FGF14: variants seen among roughly 807,000 people sequenced by gnomAD.
FGF14 encodes fibroblast growth factor 14.
In FGF14, 5 loss-of-function variants were observed where a neutral mutation model predicts 25.5. The ratio of observed to expected loss-of-function variants is 0.20; its 90% CI spans 0.10 to 0.41. The LOEUF (loss-of-function observed/expected upper bound fraction) is 0.41, where lower values mean the gene tolerates loss of function less well. Among genes scored for constraint, FGF14 ranks in the 10% least tolerant of loss-of-function variants. The pLI is 1.00. For missense variants in FGF14, 222 were observed against 320.1 expected (o/e 0.69, Z 2.34); for synonymous variants, 138 against 118.3 (o/e 1.17, Z -1.08).
chr13:101,899,477 G>A (rs1594652563), intron 1 of FGF14, among the ~76,000 whole-genome samples: 1 of 151,856 alleles, frequency 6.6e-6, no homozygotes, highest in Non-Finnish European at 1.5e-5. Context: ...ATACTGGAAA[G>A]GTAAATTCAA....
At chr13:102,086,442 C>G (rs865818801) in intron 1 of FGF14, among the ~76,000 whole-genome samples, 2 of 151,874 alleles carry the variant, frequency 1.3e-5, no homozygotes, top group African/African-American at 4.8e-5. Context: ...AGGCAGGAGA[C>G]TGGCGTGAAC....
At chr13:101,726,269 A>G (rs2035427852) in intron 4 of FGF14, among the ~76,000 whole-genome samples, 1 of 152,092 alleles carries the variant, frequency 6.6e-6, no homozygotes, top group Non-Finnish European at 1.5e-5. Context: ...TATACTTATC[A>G]TCGCAGATTT....
At position 101,968,975 on chromosome 13, in the gene FGF14, A is replaced by C. The variant is rs188883460; in HGVS notation, c.209-93679T>G. Reference sequence around the variant, plus strand: ...ATCACCAGGTCACTTTCCATCCACAATTCCTTGGTATGGACAGAAGAGAAG... The same window carrying C: ...ATCACCAGGTCACTTTCCATCCACACTTCCTTGGTATGGACAGAAGAGAAG... On this transcript the variant is annotated intron_variant, in intron 1 of 4. Coordinates refer to the FGF14 transcript ENST00000376131. 2.8e-3 allele frequency among the ~76,000 whole-genome samples: 427 copies of C among 151,942 alleles called. 4 individuals are homozygous for C. Among genetic ancestry groups the C allele is most frequent in the African/African-American group, 9.5e-3 (392 of 41,456 alleles).
chr13:102,000,087 G>C (rs1163908621), intron 1 of FGF14, among the ~76,000 whole-genome samples: 1 of 152,086 alleles, frequency 6.6e-6, no homozygotes, highest in Non-Finnish European at 1.5e-5. Context: ...AGGCCGAGGC[G>C]GGCGGATCAC....
Position 101,765,717 on chromosome 13 carries a change from A to C in FGF14, c.409-38907T>G, listed in dbSNP as rs576886905. Among the ~76,000 whole-genome samples, 4 of 140,340 alleles carry C rather than the reference A, an allele frequency of 2.9e-5. No homozygotes were observed. In the South Asian group the frequency reaches 9.5e-4, roughly 33 times the overall value. 92.1% of individuals were successfully genotyped at this position (140,340 alleles called of 152,430 possible). ...CCTTTTATTTATTATTATTATTATT[A>C]TTTTATTTATTTATTTATTTATTTA... is the stretch of plus-strand genomic sequence containing the variant. On this transcript the variant is annotated intron_variant, in intron 3 of 4. Coordinates refer to ENST00000376143, the MANE Select transcript of FGF14 (RefSeq NM_004115.4).
chr13:102,229,467 G>T (rs1236446831), intron 1 of FGF14, among the ~76,000 whole-genome samples: 1 of 152,140 alleles, frequency 6.6e-6, no homozygotes, highest in Non-Finnish European at 1.5e-5. Context: ...TGTGGGCACT[G>T]TCCATTATTC....
At chr13:101,830,254 C>T (rs1365393895) in intron 3 of FGF14, among the ~76,000 whole-genome samples, 1 of 151,900 alleles carries the variant, frequency 6.6e-6, no homozygotes, top group Non-Finnish European at 1.5e-5. Context: ...TTGGAAGAGG[C>T]TCTTACAGTT....
chr13:102,103,063 C>A (rs1455686552), intron 1 of FGF14, among the ~76,000 whole-genome samples: 1 of 152,146 alleles, frequency 6.6e-6, no homozygotes, highest in African/African-American at 2.4e-5. Flanking sequence ...CATTGAAGGT[C>A]TAACAACTTG....
chr13:101,844,000 C>A (rs1055140544), intron 3 of FGF14, among the ~76,000 whole-genome samples: 27 of 151,882 alleles, frequency 1.8e-4, no homozygotes, highest in Non-Finnish European at 1.0e-4. Context: ...ATTGTAAAGA[C>A]CTTCTGTGGA....
intron 3 of FGF14, among the ~76,000 whole-genome samples, chr13:101,748,327 T>C (rs2037029072): frequency 1.3e-5 from 2 of 152,000 alleles, no homozygotes; most frequent in Non-Finnish European, 2.9e-5. Flanking sequence ...ATTATATATT[T>C]TGCAATAACA....
chr13:102,375,182 G>A (rs2058009691), intron 1 of FGF14, among the ~76,000 whole-genome samples: 2 of 152,112 alleles, frequency 1.3e-5, no homozygotes, highest in South Asian at 4.1e-4. Context: ...ACTCATGCTG[G>A]TAAAAAGTAA....
chr13:102,326,754 A>G (rs200518283), intron 1 of FGF14, among the ~76,000 whole-genome samples: 1,770 of 76,050 alleles, frequency 0.023, 105 homozygotes, highest in African/African-American at 0.067. Context: ...AAGGAAGGAA[A>G]GAGGGAGGGA....
chr13:102,155,921 C>A (rs1178063386), intron 1 of FGF14, among the ~76,000 whole-genome samples: 2 of 152,060 alleles, frequency 1.3e-5, no homozygotes, highest in Non-Finnish European at 2.9e-5. Flanking sequence ...GAAATGGATA[C>A]ATTCCTCGAC....
chr13:101,759,628 CAT>C (rs2037880818), intron 3 of FGF14, among the ~76,000 whole-genome samples: 1 of 152,176 alleles, frequency 6.6e-6, no homozygotes, highest in Non-Finnish European at 1.5e-5. Flanking sequence ...TTTAATTTTA[CAT>C]ATGACCTTCT....
At chr13:102,059,987 T>C (rs1440927478) in intron 1 of FGF14, among the ~76,000 whole-genome samples, 1 of 152,084 alleles carries the variant, frequency 6.6e-6, no homozygotes, top group Non-Finnish European at 1.5e-5. Flanking sequence ...CAGACCGGCA[T>C]TCCTAATTTG....
At chr13:102,005,966 A>C (rs2139767612) in intron 1 of FGF14, among the ~76,000 whole-genome samples, 1 of 152,316 alleles carries the variant, frequency 6.6e-6, no homozygotes, top group East Asian at 1.9e-4. Context: ...TTGTACTTGT[A>C]ATAAATACAA....
chr13:101,963,352 A>T (rs1440351127), intron 1 of FGF14, among the ~76,000 whole-genome samples: 1 of 151,528 alleles, frequency 6.6e-6, no homozygotes, highest in Non-Finnish European at 1.5e-5. Flanking sequence ...GTATTCTCTG[A>T]CTCTACTAGA....
chr13:102,046,823 A>G (rs1216861194), intron 1 of FGF14, among the ~76,000 whole-genome samples: 2 of 152,206 alleles, frequency 1.3e-5, no homozygotes, highest in Admixed American at 1.3e-4. Context: ...TATTTGAAGC[A>G]TAATTTCTAC....
At chr13:101,894,341 T>C (rs778048994) in intron 1 of FGF14, among the ~76,000 whole-genome samples, 33 of 152,154 alleles carry the variant, frequency 2.2e-4, no homozygotes, top group Middle Eastern at 3.2e-3. Context: ...AGCTTGCTGG[T>C]GCTTCTAATT....
Sources: gnomAD v4.1 joint callset for allele counts (sites outside exome capture counted in the v4.1 genomes callset) on GRCh38, gnomAD v4.1.1 for gene constraint, MANE v1.5 for transcripts, NCBI Gene and HGNC (gene_info 2026-07-23, HGNC 2026-07-21) for gene names.